DUSP22: variants seen among roughly 807,000 people sequenced by gnomAD.
The protein encoded by DUSP22 is dual specificity phosphatase 22.
Under a neutral mutation model 24.5 loss-of-function variants are expected in DUSP22, and 24 were observed. The ratio of observed to expected loss-of-function variants is 0.98; its 90% CI spans 0.71 to 1.38. DUSP22 has a LOEUF of 1.38. Ranked by LOEUF, DUSP22 falls within the 40% of genes most tolerant of loss-of-function variation. The pLI is 0.00. For synonymous variants in DUSP22, 160 were observed against 106.4 expected (o/e 1.50, Z -3.10); for missense variants, 330 against 269.2 (o/e 1.23, Z -1.58).
chr6:298,471 C>T (rs1024685256), intron 1 of DUSP22, among the ~76,000 whole-genome samples: 11 of 152,294 alleles, frequency 7.2e-5, no homozygotes. Context: ...TTCTTAGATG[C>T]CATGCATCCT....
intron 3 of DUSP22, among the ~76,000 whole-genome samples, chr6:322,432 C>G: frequency 6.6e-6 from 1 of 152,304 alleles, no homozygotes. Context: ...GTACTCTGGC[C>G]CCAGTGTAGA....
chr6:302,841 A>T (rs1757646274), intron 1 of DUSP22, among the ~76,000 whole-genome samples: 1 of 152,300 alleles, frequency 6.6e-6, no homozygotes, highest in Non-Finnish European at 1.5e-5. Flanking sequence ...GGCAGGAACA[A>T]GGGTGGATGG....
At chr6:325,725 T>C in intron 3 of DUSP22, 1 of 259,894 alleles carries the variant, frequency 3.8e-6, no homozygotes, top group Non-Finnish European at 7.3e-6. Flanking sequence ...TCCTCGTGTG[T>C]GCAGTGCTGT....
At chr6:320,095 AG>A (rs1247979288) in intron 3 of DUSP22, 1 of 152,512 alleles carries the variant, frequency 6.6e-6, no homozygotes, top group Non-Finnish European at 1.5e-5. Context: ...CTGGACTCAG[AG>A]GGCTTGAGAT....
In DUSP22 at chr6:350,131, A is replaced by G; in HGVS notation, c.*1180A>G. On this transcript the variant is annotated 3_prime_UTR_variant, in exon 7 of 7. Transcript: ENST00000419235. ...TTTGGAAAGGTGTTTTTTGGTATGC[A>G]AGTCAGCTTTGCCTCACAGTTGAAA... 1 of 986,072 alleles carries G rather than the reference A, an allele frequency of 1.0e-6. No homozygotes were observed. The allele number at this position is 986,072 out of a possible 1,614,324, so 61.1% of individuals were successfully genotyped here.
At chr6:332,315 G>A (rs545841237) in intron 3 of DUSP22, among the ~76,000 whole-genome samples, 2 of 152,308 alleles carry the variant, frequency 1.3e-5, no homozygotes, top group African/African-American at 4.8e-5. Context: ...TCACAGATGG[G>A]AGGCTGCAGC....
At position 292,780 on chromosome 6, in the gene DUSP22, C is replaced by T. The variant is rs528375730; in HGVS notation, c.21+220C>T. On this transcript the variant is annotated intron_variant, in intron 1 of 6. Coordinates refer to ENST00000419235, the MANE Select transcript of DUSP22 (RefSeq NM_001286555.3). ...GGCTTCCGGGTAGGCAGCCCCCAGC[C>T]GCCTGCCTTGCCAGCCGGTGCGTTT... Among the ~76,000 whole-genome samples the T allele has an allele frequency of 5.2e-5, 8 of 152,382 alleles. No homozygotes were observed. In the South Asian group the frequency reaches 1.5e-3, roughly 28 times the overall value.
chr6:342,726 A>G (rs1329448085), intron 4 of DUSP22, among the ~76,000 whole-genome samples: 3 of 152,164 alleles, frequency 2.0e-5, no homozygotes, highest in Non-Finnish European at 4.4e-5. Flanking sequence ...TCCCAGCTCC[A>G]TGGCCGGAGG....
Position 335,114 on chromosome 6 carries a change from G to T in DUSP22, c.139G>T (p.Gly47Ter). The T allele has an allele frequency of 6.2e-7, 1 of 1,613,280 alleles. No homozygotes were observed. Among genetic ancestry groups the T allele is most frequent in the Non-Finnish European group, 8.5e-7 (1 of 1,179,362 alleles). ...GTATTTACTTTTTATTATTCTGCAGGGAGTTAAATACCTGTGCATCCCAGC... is the reference window on the plus strand; with the variant it reads ...GTATTTACTTTTTATTATTCTGCAGTGAGTTAAATACCTGTGCATCCCAGC... ...VHDSARPMLE[G>*]VKYLCIPAAD... is the part of the protein sequence containing the mutation. Residue 47 changes from glycine (G) to a stop codon, truncating the protein, a stop_gained and splice_region_variant, in exon 4 of 7, where the codon GGA becomes TGA. Coordinates refer to ENST00000419235, the MANE Select transcript of DUSP22 (RefSeq NM_001286555.3). LOFTEE classifies it high-confidence loss of function.
rs553599749 is a variant in DUSP22, at chr6:295,382, G to A, written c.21+2822G>A. 7.2e-5 allele frequency among the ~76,000 whole-genome samples: 11 copies of A among 152,396 alleles called. No individual in the cohort carries two copies. The South Asian group carries it at 1.0e-3, about 14-fold the overall frequency. On this transcript the variant is annotated intron_variant, in intron 1 of 6. Transcript: ENST00000419235. ...GTCGGTCCGTTCCGGGCTCCTGTAC[G>A]GCGGAATATTGTGCCCGTTTCCGTT...
Position 350,395 on chromosome 6 carries a change from A to G in DUSP22, c.*1444A>G. The G allele has an allele frequency of 2.7e-6, 3 of 1,094,356 alleles. No individual in the cohort carries two copies. The highest frequency in any genetic ancestry group is 3.3e-6 in the Non-Finnish European group (3 of 896,424). 67.8% of individuals were successfully genotyped at this position (1,094,356 alleles called of 1,614,324 possible). A position where few individuals can be genotyped will look rare whatever the true frequency, so the allele number is the denominator to read the frequency against. On this transcript the variant is annotated 3_prime_UTR_variant, in exon 7 of 7. Coordinates refer to ENST00000419235, the MANE Select transcript of DUSP22 (RefSeq NM_001286555.3). ...TCCTTAAGCATGCAGAGTCACTCGA[A>G]TGAAAAAACATACTCGACCTCTCCC...
chr6:314,041 C>T (rs938816009), intron 3 of DUSP22, among the ~76,000 whole-genome samples: 32 of 152,286 alleles, frequency 2.1e-4, no homozygotes, highest in Non-Finnish European at 1.8e-4. Context: ...TGTTTGGAGT[C>T]GGTGGGGAAT....
In DUSP22 at chr6:348,427, A is replaced by C. The variant is rs984999965; in HGVS notation, c.435+153A>C. On this transcript the variant is annotated intron_variant, in intron 6 of 6. Coordinates refer to ENST00000419235, the MANE Select transcript of DUSP22 (RefSeq NM_001286555.3). ...GGGCGCCCAGCTGCACCCCTTCAGA[A>C]GTCGTCACGATCCCTCGTGCACCTG... 1.3e-5 allele frequency: 17 copies of C among 1,275,900 alleles called. No homozygotes were observed. The African/African-American group carries it at 2.4e-4, about 18-fold the overall frequency. The allele number at this position is 1,275,900 out of a possible 1,614,324, so 79.0% of individuals were successfully genotyped here.
intron 3 of DUSP22, among the ~76,000 whole-genome samples, chr6:316,733 A>G (rs1758354512): frequency 6.6e-6 from 1 of 152,310 alleles, no homozygotes; most frequent in South Asian, 2.1e-4. Flanking sequence ...AGGAAACAAA[A>G]CTATTTCTCA....
chr6:344,319 T>C (rs1419450475), intron 4 of DUSP22, among the ~76,000 whole-genome samples: 1 of 152,238 alleles, frequency 6.6e-6, no homozygotes. Flanking sequence ...AGGGTCTCGC[T>C]GTGTCGCTCA....
chr6:294,658 CAA>C (rs1757245596), intron 1 of DUSP22, among the ~76,000 whole-genome samples: 1 of 152,402 alleles, frequency 6.6e-6, no homozygotes, highest in East Asian at 1.9e-4. Context: ...ACTTAACCTT[CAA>C]AGTCTAGTGT....
chr6:351,081 G>A lies in DUSP22; in HGVS notation c.*2130G>A, dbSNP rs1760189910. The A allele has an allele frequency of 4.0e-6, 3 of 758,694 alleles. No individual in the cohort carries two copies. The highest frequency in any genetic ancestry group is 3.5e-4 in the Middle Eastern group (1 of 2,892). 47.0% of individuals were successfully genotyped at this position (758,694 alleles called of 1,614,324 possible). A position where few individuals can be genotyped will look rare whatever the true frequency, so the allele number is the denominator to read the frequency against. ...TCCCCTTATCCCCACTGCTGTGGAGGTTTCTGTACCTCGCTTGGATGCCTG... is the reference window on the plus strand; with the variant it reads ...TCCCCTTATCCCCACTGCTGTGGAGATTTCTGTACCTCGCTTGGATGCCTG... On this transcript the variant is annotated 3_prime_UTR_variant, in exon 7 of 7. Transcript: ENST00000419235.
chr6:348,578 C>T, intron 6 of DUSP22, 191 bp from the exon 7 acceptor site: 2 of 1,026,512 alleles, frequency 1.9e-6, no homozygotes, highest in Non-Finnish European at 2.8e-6. Context: ...CCTAGGCCAG[C>T]ACCTTGAAGG....
chr6:299,661 TTTACA>T (rs1379450466), intron 1 of DUSP22, among the ~76,000 whole-genome samples: 7 of 152,300 alleles, frequency 4.6e-5, no homozygotes, highest in Non-Finnish European at 1.0e-4. Context: ...TGGTCTTCTC[TTTACA>T]TTACTTAAAA....
Sources: allele counts gnomAD v4.1 joint callset (sites outside exome capture counted in the v4.1 genomes callset), GRCh38; gene constraint gnomAD v4.1.1; transcripts MANE v1.5; gene names NCBI Gene and HGNC (gene_info 2026-07-23, HGNC 2026-07-21).